Variants in NOX3 observed in about 807,000 individuals in gnomAD.
NOX3 encodes NADPH oxidase 3.
In NOX3, 74 loss-of-function variants were observed where a neutral mutation model predicts 76.7. The observed-to-expected ratio is 0.96, with a 90% confidence interval of 0.80 to 1.17. The LOEUF is 1.17. Among genes scored for constraint, NOX3 ranks in the 50% most tolerant of loss-of-function variants. The pLI is 0.00. For synonymous variants in NOX3, 263 were observed against 261.1 expected (o/e 1.01, Z -0.07); for missense variants, 695 against 703.3 (o/e 0.99, Z 0.13).
At chr6:155,414,834 G>A (rs1314160274) in intron 10 of NOX3, among the ~76,000 whole-genome samples, 1 of 151,852 alleles carries the variant, frequency 6.6e-6, no homozygotes, top group Admixed American at 6.6e-5. Context: ...CACCATGTTG[G>A]CCATGCTGGT....
In NOX3 at chr6:155,395,416, G is replaced by T. The variant is rs1457302451; in HGVS notation, c.*186C>A. The T allele has an allele frequency of 6.6e-6, 1 of 152,082 alleles. No individual in the cohort carries two copies. Among genetic ancestry groups the T allele is most frequent in the East Asian group, 1.9e-4 (1 of 5,196 alleles). The allele number at this position is 152,082 out of a possible 1,614,324, so 9.4% of individuals were successfully genotyped here. A position where few individuals can be genotyped will look rare whatever the true frequency, so the allele number is the denominator to read the frequency against. On this transcript the variant is annotated 3_prime_UTR_variant, in exon 14 of 14. Coordinates refer to ENST00000159060, the MANE Select transcript of NOX3 (RefSeq NM_015718.3). The stretch of plus-strand genomic sequence containing the variant: ...TTTCAGTAAATGTTTTTGTTCTGTT[G>T]TATATGACATGTTATTTATAAGCTA...
At chr6:155,408,371 G>A (rs919849750) in intron 11 of NOX3, among the ~76,000 whole-genome samples, 3 of 152,122 alleles carry the variant, frequency 2.0e-5, no homozygotes, top group East Asian at 3.9e-4. Context: ...GGGGATCTGT[G>A]TTCCCAGTGC....
intron 9 of NOX3, among the ~76,000 whole-genome samples, chr6:155,426,170 A>G (rs749985680): frequency 1.3e-5 from 2 of 152,342 alleles, no homozygotes; most frequent in East Asian, 1.9e-4. Context: ...CCACTAATAC[A>G]TATGCCTACA....
At chr6:155,402,184 G>T (rs1447483921) in intron 12 of NOX3, among the ~76,000 whole-genome samples, 1 of 152,110 alleles carries the variant, frequency 6.6e-6, no homozygotes, top group African/African-American at 2.4e-5. Flanking sequence ...TTTTGAAAAA[G>T]ATACCTTTCT....
chr6:155,412,548 C>T (rs1041615307), intron 10 of NOX3, among the ~76,000 whole-genome samples: 2 of 152,316 alleles, frequency 1.3e-5, no homozygotes, highest in African/African-American at 4.8e-5. Flanking sequence ...CACAAGGGGA[C>T]TTAAGATACT....
chr6:155,407,732 C>A (rs112942365), intron 11 of NOX3, among the ~76,000 whole-genome samples: 1 of 152,280 alleles, frequency 6.6e-6, no homozygotes, highest in South Asian at 2.1e-4. Context: ...TACAATGAGA[C>A]CTGCCTAGTG....
At chr6:155,452,808 T>C (rs1383713078) in intron 4 of NOX3, among the ~76,000 whole-genome samples, 1 of 152,210 alleles carries the variant, frequency 6.6e-6, no homozygotes, top group Non-Finnish European at 1.5e-5. Context: ...CTGCTCCTCC[T>C]CCTTTCTTCC....
intron 10 of NOX3, among the ~76,000 whole-genome samples, chr6:155,417,163 G>A (rs142244964): frequency 2.6e-5 from 4 of 152,244 alleles, no homozygotes; most frequent in Middle Eastern, 3.4e-3. Context: ...TGACACTGAC[G>A]GTGCCCGAAG....
chr6:155,404,566 G>T (rs1197524289), intron 12 of NOX3, among the ~76,000 whole-genome samples: 1 of 152,194 alleles, frequency 6.6e-6, no homozygotes, highest in East Asian at 1.9e-4. Flanking sequence ...TGGGGCAAGA[G>T]CAAGATTGTG....
chr6:155,442,121 G>A (rs1410996477), intron 5 of NOX3, among the ~76,000 whole-genome samples: 1 of 152,126 alleles, frequency 6.6e-6, no homozygotes, highest in Non-Finnish European at 1.5e-5. Context: ...AAAATTAGCT[G>A]GGCGTGGTGG....
At chr6:155,433,303 G>A (rs545388161) in intron 7 of NOX3, among the ~76,000 whole-genome samples, 183 of 152,300 alleles carry the variant, frequency 1.2e-3, no homozygotes, top group Middle Eastern at 3.4e-3. Flanking sequence ...AGGGCCTGAG[G>A]GAGAGATGGC....
chr6:155,451,908 G>T (rs1471181683), intron 4 of NOX3, among the ~76,000 whole-genome samples: 1 of 152,148 alleles, frequency 6.6e-6, no homozygotes, highest in African/African-American at 2.4e-5. Context: ...GATTATAGGC[G>T]TAAACCACCA....
intron 4 of NOX3, among the ~76,000 whole-genome samples, chr6:155,448,786 T>C (rs1777098177): frequency 6.6e-6 from 1 of 152,204 alleles, no homozygotes; most frequent in Non-Finnish European, 1.5e-5. Flanking sequence ...TGGTCTGTCC[T>C]TGCTGTCTTT....
intron 4 of NOX3, among the ~76,000 whole-genome samples, chr6:155,445,361 T>C (rs551167440): frequency 7.4e-4 from 113 of 152,304 alleles, no homozygotes; most frequent in African/African-American, 2.5e-3. Context: ...TTGTACATTG[T>C]GGGTTGAGGT....
In NOX3 at chr6:155,411,366, A is replaced by G; in HGVS notation, c.1309-6T>C. 1 of 1,611,826 alleles carries G rather than the reference A, an allele frequency of 6.2e-7. No homozygotes were observed. The highest frequency in any genetic ancestry group is 8.5e-7 in the Non-Finnish European group (1 of 1,178,920). On this transcript the variant is annotated splice_region_variant and splice_polypyrimidine_tract_variant and intron_variant, in intron 10 of 13. Coordinates refer to ENST00000159060, the MANE Select transcript of NOX3 (RefSeq NM_015718.3). ...CAAATCCAGTAGAAATACACCTGTCAAGAGAGAAGGCAAGTGAACGGATCT... is the reference window on the plus strand; with the variant it reads ...CAAATCCAGTAGAAATACACCTGTCGAGAGAGAAGGCAAGTGAACGGATCT...
At chr6:155,438,439 C>G (rs1244242110) in intron 6 of NOX3, among the ~76,000 whole-genome samples, 1 of 152,238 alleles carries the variant, frequency 6.6e-6, no homozygotes, top group Non-Finnish European at 1.5e-5. Context: ...TCAGCAGAGG[C>G]ACAGGCAGTC....
chr6:155,440,013 C>A lies in NOX3; in HGVS notation c.611G>T (p.Trp204Leu), dbSNP rs200579811. The A allele has an allele frequency of 1.3e-4, 207 of 1,613,940 alleles. No homozygotes were observed. The highest frequency in any genetic ancestry group is 1.7e-4 in the Non-Finnish European group (204 of 1,179,974). ...FIRQASYELF[W>L]YTHHVFIVFF... Reference sequence around the variant, plus strand: ...GACGATGAAAACATGGTGTGTGTACCAGAACAACTCATAGGAGGCCTGTCT... The same window carrying A: ...GACGATGAAAACATGGTGTGTGTACAAGAACAACTCATAGGAGGCCTGTCT... Residue 204 changes from tryptophan (W) to leucine (L), a missense_variant, in exon 6 of 14, where the codon TGG becomes TTG. By Grantham distance (61) the Trp-to-Leu change is moderately conservative. Transcript: ENST00000159060.
At chr6:155,426,984 CGTGTGTGTGTGTGTGT>C (rs764029957) in intron 9 of NOX3, among the ~76,000 whole-genome samples, 5 of 41,906 alleles carry the variant, frequency 1.2e-4, no homozygotes, top group African/African-American at 2.6e-4. Context: ...GACACTGTGG[CGTGTGTGTGTGTGTGT>C]GTGTGTGTGT....
chr6:155,431,622 C>G (rs1413026661), intron 7 of NOX3, among the ~76,000 whole-genome samples: 1 of 152,166 alleles, frequency 6.6e-6, no homozygotes, highest in African/African-American at 2.4e-5. Context: ...TACTGATGAT[C>G]AATTTACCAG....
Sources: gnomAD v4.1 joint callset for allele counts (sites outside exome capture counted in the v4.1 genomes callset) on GRCh38, gnomAD v4.1.1 for gene constraint, MANE v1.5 for transcripts, NCBI Gene and HGNC (gene_info 2026-07-23, HGNC 2026-07-21) for gene names.